Variants in FAT3 observed in about 807,000 individuals in gnomAD.
The protein encoded by FAT3 is FAT atypical cadherin 3, also known as protocadherin Fat 3.
Under a neutral mutation model 310.2 loss-of-function variants are expected in FAT3, and 95 were observed. The observed-to-expected ratio is 0.31, with a 90% CI of 0.26 to 0.36. The LOEUF is 0.36. Among genes scored for constraint, FAT3 ranks in the 10% least tolerant of loss-of-function variants. FAT3 has a pLI of 1.00. For synonymous variants in FAT3, 2,314 were observed against 2,192.9 expected (o/e 1.06, Z -1.54); for missense variants, 5,408 against 5,715.6 (o/e 0.95, Z 1.74).
chr11:92,792,906 CTG>C lies in FAT3; in HGVS notation c.4753_4754del (p.Val1585SerfsTer30). Reference sequence around the variant, plus strand: ...TTTGAATCTGCTGCTCTGGGATCAGCTGTTCTGCAAGTGACGGCTCTGGACAA... The same window carrying C: ...TTTGAATCTGCTGCTCTGGGATCAGCTTCTGCAAGTGACGGCTCTGGACAA... On this transcript the variant is annotated frameshift_variant, in exon 9 of 28. Coordinates refer to ENST00000525166, the MANE Select transcript of FAT3 (RefSeq NM_001367949.2). LOFTEE classifies it high-confidence loss of function. 6.2e-7 allele frequency: 1 copy of C among 1,613,836 alleles called. No individual in the cohort carries two copies.
chr11:92,755,918 C>T (rs896535551), intron 4 of FAT3, among the ~76,000 whole-genome samples: 4 of 152,146 alleles, frequency 2.6e-5, no homozygotes, highest in African/African-American at 9.7e-5. Context: ...CTAAAAGGTA[C>T]TGGATAAATA....
chr11:92,647,716 A>G (rs1053416159), intron 3 of FAT3, among the ~76,000 whole-genome samples: 10 of 152,144 alleles, frequency 6.6e-5, no homozygotes, highest in Non-Finnish European at 1.3e-4. Flanking sequence ...CAACCAATAA[A>G]CTATCAATTA....
In FAT3 at chr11:92,894,304, C is replaced by G. The variant is rs1242643538; in HGVS notation, c.*3191C>G. ...GATAATTACAGAGTTCAGCTCAGAC[C>G]AGTCATCAGTTGTAGTGAAACTTTG... On this transcript the variant is annotated 3_prime_UTR_variant, in exon 28 of 28. Coordinates refer to ENST00000525166, the MANE Select transcript of FAT3 (RefSeq NM_001367949.2). The G allele has an allele frequency of 6.6e-6, 1 of 152,152 alleles. No homozygotes were observed. The highest frequency in any genetic ancestry group is 1.5e-5 in the Non-Finnish European group (1 of 68,032). The allele number at this position is 152,152 out of a possible 1,614,324, so 9.4% of individuals were successfully genotyped here.
intron 2 of FAT3, among the ~76,000 whole-genome samples, chr11:92,462,820 T>TA (rs1225439896): frequency 6.6e-6 from 1 of 152,216 alleles, no homozygotes; most frequent in African/African-American, 2.4e-5. Context: ...AAGAGGTTAA[T>TA]AAAAAAGTGT....
chr11:92,373,630 C>T (rs754943237), intron 2 of FAT3, among the ~76,000 whole-genome samples: 1 of 151,900 alleles, frequency 6.6e-6, no homozygotes, highest in Non-Finnish European at 1.5e-5. Flanking sequence ...ATAATGAACG[C>T]GTGATGAACT....
intron 1 of FAT3, among the ~76,000 whole-genome samples, chr11:92,272,121 G>A (rs762640422): frequency 7.9e-5 from 12 of 152,058 alleles, no homozygotes; most frequent in Non-Finnish European, 1.2e-4. Context: ...CTCTATTATT[G>A]ATGTTGTAAA....
chr11:92,656,720 A>G (rs773458546), intron 3 of FAT3, among the ~76,000 whole-genome samples: 18 of 152,210 alleles, frequency 1.2e-4, no homozygotes, highest in Non-Finnish European at 2.2e-4. Context: ...TTGGATTTTT[A>G]AGAGTGAGTT....
Position 92,801,655 on chromosome 11 carries a change from T to C in FAT3, c.8642T>C (p.Leu2881Pro), listed in dbSNP as rs1424174360. Residue 2881 changes from leucine to proline, a missense_variant, in exon 10 of 28, where the codon CTA (leucine) becomes CCA (proline). Transcript: ENST00000525166. Reference protein sequence around the residue: ...NTGWISTLKDLDHETDPTFTF... With the variant: ...NTGWISTLKDPDHETDPTFTF... ...GGCTGGATCAGTACCTTGAAGGACC[T>C]AGATCACGAGACAGACCCCACATTC... is the stretch of plus-strand genomic sequence containing the variant. 2 of 1,613,768 alleles carry C rather than the reference T, an allele frequency of 1.2e-6. No individual in the cohort carries two copies. The highest frequency in any genetic ancestry group is 1.7e-6 in the Non-Finnish European group (2 of 1,179,852).
At chr11:92,592,721 C>T (rs919889033) in intron 3 of FAT3, among the ~76,000 whole-genome samples, 1 of 152,006 alleles carries the variant, frequency 6.6e-6, no homozygotes, top group African/African-American at 2.4e-5. Context: ...AAAATTTGAG[C>T]ACTAATGGAT....
At chr11:92,832,762 C>G (rs1276606808) in intron 14 of FAT3, among the ~76,000 whole-genome samples, 2 of 152,118 alleles carry the variant, frequency 1.3e-5, no homozygotes, top group East Asian at 3.8e-4. Context: ...TGGGGATGAG[C>G]CTCCGTGTGC....
intron 4 of FAT3, among the ~76,000 whole-genome samples, chr11:92,707,650 A>G (rs1409738439): frequency 1.3e-5 from 2 of 152,118 alleles, no homozygotes; most frequent in Non-Finnish European, 2.9e-5. Flanking sequence ...CCGTAGTGCA[A>G]TGATGGTAAA....
intron 1 of FAT3, among the ~76,000 whole-genome samples, chr11:92,239,707 G>A (rs915250342): frequency 3.9e-5 from 6 of 152,062 alleles, no homozygotes; most frequent in Non-Finnish European, 8.8e-5. Context: ...TTAGGAAGTT[G>A]GAAATCTACT....
At position 92,315,512 on chromosome 11, in the gene FAT3, TAGAGAGAGAG is replaced by T. The variant is rs374021850; in HGVS notation, c.-17-36550_-17-36541del. On this transcript the variant is annotated intron_variant, in intron 1 of 27. Transcript: ENST00000525166. ...ATATATATATATATATATATATATATAGAGAGAGAGAGAGAGAGAGAGAGAGAGAGAGAGA... is the reference window on the plus strand; with the variant it reads ...ATATATATATATATATATATATATATAGAGAGAGAGAGAGAGAGAGAGAGA... Among the ~76,000 whole-genome samples, 363 of 56,114 alleles carry T rather than the reference TAGAGAGAGAG, an allele frequency of 6.5e-3. 2 individuals carry two copies. The highest frequency in any genetic ancestry group is 9.7e-3 in the South Asian group (10 of 1,030). The allele number at this position is 56,114 out of a possible 152,430, so 36.8% of individuals were successfully genotyped here.
intron 7 of FAT3, among the ~76,000 whole-genome samples, chr11:92,774,800 G>C (rs930789940): frequency 3.3e-5 from 5 of 152,142 alleles, no homozygotes; most frequent in African/African-American, 1.2e-4. Context: ...GTGTGATTCT[G>C]ACATGCAGCC....
At chr11:92,701,119 T>G (rs1453543079) in intron 4 of FAT3, among the ~76,000 whole-genome samples, 1 of 152,192 alleles carries the variant, frequency 6.6e-6, no homozygotes, top group Non-Finnish European at 1.5e-5. Flanking sequence ...ATGCTCCTCT[T>G]AAACTCATAT....
chr11:92,599,681 T>A (rs977126239), intron 3 of FAT3, among the ~76,000 whole-genome samples: 2 of 152,236 alleles, frequency 1.3e-5, no homozygotes, highest in Non-Finnish European at 2.9e-5. Context: ...CATTCTAGAC[T>A]GGTTTCCTAA....
chr11:92,755,124 G>A (rs796235826), intron 4 of FAT3, among the ~76,000 whole-genome samples: 3 of 152,222 alleles, frequency 2.0e-5, no homozygotes, highest in African/African-American at 7.2e-5. Context: ...TTAGGCAGGA[G>A]GCAAGTTGAA....
intron 2 of FAT3, among the ~76,000 whole-genome samples, chr11:92,471,915 C>CTATATATATA (rs140886151): frequency 1.4e-3 from 170 of 124,886 alleles, no homozygotes; most frequent in South Asian, 3.9e-3. Flanking sequence ...TTTTCATATG[C>CTATATATATA]TATATATATA....
chr11:92,882,579 T>TCC (rs370925383), intron 23 of FAT3, among the ~76,000 whole-genome samples, 159 bp from the exon 24 acceptor site: 156 of 80,308 alleles, frequency 1.9e-3, no homozygotes, highest in African/African-American at 3.9e-3. Flanking sequence ...CTAAATTAAC[T>TCC]CCCCCTCCCC....
Sources: gnomAD v4.1 joint callset for allele counts (sites outside exome capture counted in the v4.1 genomes callset) on GRCh38, gnomAD v4.1.1 for gene constraint, MANE v1.5 for transcripts, NCBI Gene and HGNC (gene_info 2026-07-23, HGNC 2026-07-21) for gene names.